SCAMP2: variants seen among roughly 807,000 people sequenced by gnomAD.
SCAMP2 encodes secretory carrier-associated membrane protein 2.
Under a neutral mutation model 44.1 loss-of-function variants are expected in SCAMP2, and 25 were observed. The ratio of observed to expected loss-of-function variants is 0.57; its 90% CI spans 0.41 to 0.79. SCAMP2 has a LOEUF of 0.79. Ranked by LOEUF, SCAMP2 falls within the 30% of genes least tolerant of loss-of-function variation. The pLI is 0.00. For synonymous variants in SCAMP2, 156 were observed against 166.0 expected, an observed-to-expected ratio of 0.94 and a Z score of 0.46; for missense variants, 355 against 411.0, an observed-to-expected ratio of 0.86 and a Z score of 1.18.
intron 1 of SCAMP2, among the ~76,000 whole-genome samples, chr15:74,858,738 T>C (rs1431410703): frequency 6.6e-6 from 1 of 150,708 alleles, no homozygotes; most frequent in African/African-American, 2.4e-5. Flanking sequence ...TGAGCCCCAC[T>C]CCAGGAGGAC....
chr15:74,854,931 T>A (rs149436058), intron 1 of SCAMP2, among the ~76,000 whole-genome samples: 3 of 150,320 alleles, frequency 2.0e-5, no homozygotes, highest in African/African-American at 7.3e-5. Flanking sequence ...TGGTGCCCTA[T>A]ACAGATTCAA....
intron 1 of SCAMP2, among the ~76,000 whole-genome samples, chr15:74,860,121 T>A (rs1256045113): frequency 6.6e-6 from 1 of 151,852 alleles, no homozygotes; most frequent in Non-Finnish European, 1.5e-5. Context: ...AAATAAAAAA[T>A]AAGTTTAGGC....
chr15:74,867,891 G>A (rs1293824403), intron 1 of SCAMP2, among the ~76,000 whole-genome samples: 2 of 152,244 alleles, frequency 1.3e-5, no homozygotes, highest in Non-Finnish European at 2.9e-5. Context: ...CTGTCTGCCT[G>A]GGATAATCTG....
In SCAMP2 at chr15:74,844,907, A is replaced by T. The variant is rs2141168720; in HGVS notation, c.*176T>A. On this transcript the variant is annotated 3_prime_UTR_variant, in exon 9 of 9. Transcript: ENST00000268099. ...TTTTTTTGTACATAGAGGGGGAAAAAATTCCCTGTCCCTCCCGTTCCAGGG... is the reference window on the plus strand; with the variant it reads ...TTTTTTTGTACATAGAGGGGGAAAATATTCCCTGTCCCTCCCGTTCCAGGG... 3.1e-6 allele frequency: 2 copies of T among 652,674 alleles called. No individual in the cohort carries two copies. Among genetic ancestry groups the T allele is most frequent in the Admixed American group, 2.9e-5 (1 of 33,932 alleles). 40.4% of individuals were successfully genotyped at this position (652,674 alleles called of 1,614,324 possible).
At position 74,844,709 on chromosome 15, in the gene SCAMP2, G is replaced by T; in HGVS notation, c.*374C>A. 1 of 179,520 alleles carries T rather than the reference G, an allele frequency of 5.6e-6. No individual in the cohort carries two copies. Among genetic ancestry groups the T allele is most frequent in the Admixed American group, 5.5e-5 (1 of 18,264 alleles). 11.1% of individuals were successfully genotyped at this position (179,520 alleles called of 1,614,324 possible). A position where few individuals can be genotyped will look rare whatever the true frequency, so the allele number is the denominator to read the frequency against. On this transcript the variant is annotated 3_prime_UTR_variant, in exon 9 of 9. Transcript: ENST00000268099. Reference sequence around the variant, plus strand: ...CAGGCCTGCAGGGTGGGGGAGTCAAGGCCCAGGACCCTGGCAGAAAGCTCC... The same window carrying T: ...CAGGCCTGCAGGGTGGGGGAGTCAATGCCCAGGACCCTGGCAGAAAGCTCC...
At chr15:74,863,968 A>C (rs2064525692) in intron 1 of SCAMP2, among the ~76,000 whole-genome samples, 2 of 152,218 alleles carry the variant, frequency 1.3e-5, no homozygotes, top group Admixed American at 1.3e-4. Flanking sequence ...TCTGAGTTGG[A>C]TCTTGAGAGA....
chr15:74,852,022 C>T (rs974299365), intron 4 of SCAMP2, 47 bp downstream of exon 4: 2 of 1,392,816 alleles, frequency 1.4e-6, no homozygotes, highest in Non-Finnish European at 2.0e-6. Context: ...TCAGGACACT[C>T]TTCTATGCCA....
intron 7 of SCAMP2, among the ~76,000 whole-genome samples, chr15:74,848,195 G>C (rs2064412003): frequency 6.6e-6 from 1 of 151,672 alleles, no homozygotes; most frequent in South Asian, 2.1e-4. Flanking sequence ...AGCCTCCCAA[G>C]TACCTGGGAC....
chr15:74,862,402 CCT>C (rs2141179234), intron 1 of SCAMP2, among the ~76,000 whole-genome samples: 1 of 151,812 alleles, frequency 6.6e-6, no homozygotes, highest in East Asian at 1.9e-4. Flanking sequence ...CATGGTGAAA[CCT>C]CTCACTACTA....
intron 4 of SCAMP2, 140 bp from the exon 5 acceptor site, chr15:74,851,621 A>G: frequency 2.0e-6 from 2 of 1,017,302 alleles, no homozygotes; most frequent in Non-Finnish European, 2.9e-6. Context: ...GTCTGCATGG[A>G]GCATGGAGTG....
intron 1 of SCAMP2, among the ~76,000 whole-genome samples, chr15:74,867,678 AC>A (rs1183995261): frequency 6.6e-6 from 1 of 152,178 alleles, no homozygotes; most frequent in Non-Finnish European, 1.5e-5. Flanking sequence ...CACCCAAATC[AC>A]GTTTCTGCCA....
intron 5 of SCAMP2, 91 bp downstream of exon 5, chr15:74,851,262 G>A (rs1302437253): frequency 4.7e-5 from 68 of 1,446,554 alleles, no homozygotes; most frequent in Non-Finnish European, 2.5e-5. Flanking sequence ...CTGAAAGCCT[G>A]TATACCAGGG....
At chr15:74,863,129 G>A (rs1596422328) in intron 1 of SCAMP2, among the ~76,000 whole-genome samples, 1 of 151,938 alleles carries the variant, frequency 6.6e-6, no homozygotes, top group East Asian at 1.9e-4. Context: ...CGGATCACCT[G>A]AGGTTGGGAG....
intron 1 of SCAMP2, among the ~76,000 whole-genome samples, chr15:74,862,871 C>T (rs1217187143): frequency 4.1e-5 from 6 of 145,454 alleles, no homozygotes; most frequent in Admixed American, 1.4e-4. Flanking sequence ...CACACACACA[C>T]ACACACACAC....
Position 74,854,617 on chromosome 15 carries a change from C to CGG in SCAMP2, c.88_89dup (p.Gln31ArgfsTer81). Reference sequence around the variant, plus strand: ...GGTTGAATTCCGCCAGGCCGCCCTGCGGGGCGTTGGTCAGCTGGGTCACAG... The same window carrying CGG: ...GGTTGAATTCCGCCAGGCCGCCCTGCGGGGGGCGTTGGTCAGCTGGGTCACAG... On this transcript the variant is annotated frameshift_variant, in exon 2 of 9. Transcript: ENST00000268099. LOFTEE classifies it high-confidence loss of function. 1 of 1,608,500 alleles carries CGG rather than the reference C, an allele frequency of 6.2e-7. No homozygotes were observed. Among genetic ancestry groups the CGG allele is most frequent in the Non-Finnish European group, 8.5e-7 (1 of 1,177,554 alleles).
At chr15:74,852,686 G>C (rs1422201419) in intron 3 of SCAMP2, 4 of 152,622 alleles carry the variant, frequency 2.6e-5, no homozygotes, top group African/African-American at 9.6e-5. Context: ...CTGAGCCTCA[G>C]GATCTGTACA....
intron 1 of SCAMP2, among the ~76,000 whole-genome samples, chr15:74,855,669 T>C (rs918818133): frequency 4.7e-5 from 7 of 147,738 alleles, no homozygotes; most frequent in Admixed American, 1.4e-4. Flanking sequence ...TGAGCCCAGA[T>C]TGTGCCATTG....
intron 1 of SCAMP2, among the ~76,000 whole-genome samples, chr15:74,872,023 C>A (rs925822021): frequency 6.6e-6 from 1 of 151,680 alleles, no homozygotes; most frequent in African/African-American, 2.4e-5. Context: ...CCAGCCTGGG[C>A]GACAGAGCAA....
At chr15:74,852,416 G>A (rs1451768897) in intron 3 of SCAMP2, 1 of 382,320 alleles carries the variant, frequency 2.6e-6, no homozygotes, top group Admixed American at 4.5e-5. Flanking sequence ...TGACTAAGCT[G>A]TCCTCTCCCC....
Sources: allele counts gnomAD v4.1 joint callset (sites outside exome capture counted in the v4.1 genomes callset), GRCh38; gene constraint gnomAD v4.1.1; transcripts MANE v1.5; gene names NCBI Gene and HGNC (gene_info 2026-07-23, HGNC 2026-07-21).